The following RPS8 variants were observed in gnomAD, a reference collection of about 807,000 sequenced individuals.
The protein encoded by RPS8 is ribosomal protein S8, also known as small ribosomal subunit protein eS8.
For synonymous variants in RPS8, 100 were observed against 100.7 expected (o/e 0.99, Z 0.04); for missense variants, 141 against 269.7 (o/e 0.52, Z 3.34).
intron 1 of RPS8, 191 bp downstream of exon 1, chr1:44,775,791 C>T (rs1242642040): frequency 5.7e-6 from 5 of 876,668 alleles, no homozygotes; most frequent in Non-Finnish European, 9.2e-6. Flanking sequence ...GCTCCGGGTT[C>T]CGGGCCGCGG....
At chr1:44,775,917 A>G (rs766957318) in intron 1 of RPS8, 117 bp from the exon 2 acceptor site, 7 of 992,396 alleles carry the variant, frequency 7.1e-6, no homozygotes, top group Admixed American at 5.1e-5. Flanking sequence ...GCGGTGGGGA[A>G]GCCAACCTTG....
intron 2 of RPS8, 186 bp from the exon 3 acceptor site, chr1:44,776,489 C>T: frequency 1.3e-6 from 1 of 765,508 alleles, no homozygotes; most frequent in South Asian, 1.4e-5. Flanking sequence ...CTCTTGGAGG[C>T]AAGTAGGGTG....
chr1:44,778,158 G>A, intron 5 of RPS8, 29 bp downstream of exon 5: 1 of 1,585,192 alleles, frequency 6.3e-7, no homozygotes, highest in South Asian at 1.1e-5. Flanking sequence ...TGGAGGTGGG[G>A]AGTCGCAGAG....
intron 3 of RPS8, chr1:44,776,994 G>A: frequency 2.1e-6 from 1 of 474,068 alleles, no homozygotes. Flanking sequence ...GTAGTCTGTG[G>A]CTTAGACCAA....
chr1:44,777,834 C>T (rs1573591349), intron 4 of RPS8, 45 bp downstream of exon 4: 1 of 1,597,904 alleles, frequency 6.3e-7, no homozygotes. Context: ...GGCAGCCTGA[C>T]TCCAGCCTTC....
chr1:44,777,747 C>G lies in RPS8; in HGVS notation c.345C>G (p.Ser115=). The part of the protein sequence containing the change: ...DSTPYRQWYE[S]HYALPLGRKK... ...CACCGTACCGACAGTGGTACGAGTCCCACTATGCGCTGCCCCTGGGCCGCA... is the reference window on the plus strand; with the variant it reads ...CACCGTACCGACAGTGGTACGAGTCGCACTATGCGCTGCCCCTGGGCCGCA... Residue 115 remains serine (S), a synonymous_variant, in exon 4 of 6, where the codon TCC becomes TCG. Coordinates refer to ENST00000396651, the MANE Select transcript of RPS8 (RefSeq NM_001012.2). The G allele has an allele frequency of 2.5e-6, 4 of 1,614,146 alleles. No homozygotes were observed. The highest frequency in any genetic ancestry group is 3.4e-6 in the Non-Finnish European group (4 of 1,179,988).
intron 1 of RPS8, 141 bp from the exon 2 acceptor site, chr1:44,775,893 A>G (rs911488817): frequency 6.9e-6 from 6 of 863,800 alleles, no homozygotes; most frequent in African/African-American, 1.6e-5. Context: ...GTAATGCTGC[A>G]TACTCCCGAG....
chr1:44,776,595 C>T (rs1338264046), intron 2 of RPS8, 80 bp from the exon 3 acceptor site: 1 of 1,190,142 alleles, frequency 8.4e-7, no homozygotes, highest in African/African-American at 1.5e-5. Context: ...TGACTGTTGC[C>T]TCCTCCCGGC....
intron 3 of RPS8, chr1:44,777,317 C>T (rs1451256271): frequency 3.2e-6 from 1 of 315,528 alleles, no homozygotes; most frequent in Non-Finnish European, 5.9e-6. Flanking sequence ...GTGATCCACC[C>T]GCCTTGACCT....
At chr1:44,776,899 A>G in intron 3 of RPS8, 125 bp downstream of exon 3, 1 of 628,674 alleles carries the variant, frequency 1.6e-6, no homozygotes, top group South Asian at 2.1e-5. Context: ...AGGCGGGCGG[A>G]TCACCTGAGG....
At position 44,777,687 on chromosome 1, in the gene RPS8, C is replaced by A; in HGVS notation, c.285C>A (p.Thr95=). 6.2e-7 allele frequency: 1 copy of A among 1,613,922 alleles called. No homozygotes were observed. Among genetic ancestry groups the A allele is most frequent in the Non-Finnish European group, 8.5e-7 (1 of 1,179,806 alleles). ...ASNNELVRTK[T]LVKNCIVLID... ...ATAACGAGCTGGTTCGTACCAAGAC[C>A]CTGGTGAAGAATTGCATCGTGCTCA... Residue 95 remains threonine, a synonymous_variant, in exon 4 of 6, where the codon ACC becomes ACA. Transcript: ENST00000396651.
At chr1:44,778,536 C>G (rs1557609794) in intron 5 of RPS8, 40 bp from the exon 6 acceptor site, 1 of 1,529,812 alleles carries the variant, frequency 6.5e-7, no homozygotes, top group Non-Finnish European at 9.1e-7. Context: ...TGGGTAGGGC[C>G]ACCTTGTCGT....
Position 44,776,791 on chromosome 1 carries a change from G to T in RPS8, c.211+17G>T, listed in dbSNP as rs779137077. 3 of 1,558,488 alleles carry T rather than the reference G, an allele frequency of 1.9e-6. No individual in the cohort carries two copies. The highest frequency in any genetic ancestry group is 2.6e-6 in the Non-Finnish European group (3 of 1,144,186). On this transcript the variant is annotated intron_variant, in intron 3 of 5. Transcript: ENST00000396651. ...GCTCAGAGTGTGAGTGAGGCCCTTT[G>T]GGAGTGGGTGGGAAAACGCACCTAA...
At chr1:44,777,922 TG>T (rs570325038) in intron 4 of RPS8, 77 bp from the exon 5 acceptor site, 2 of 1,582,300 alleles carry the variant, frequency 1.3e-6, no homozygotes, top group Non-Finnish European at 1.7e-6. Flanking sequence ...AGGCCAGCAC[TG>T]GGGTGTGCAG....
chr1:44,778,484 G>C (rs1185991684), intron 5 of RPS8, 92 bp from the exon 6 acceptor site: 3 of 1,029,238 alleles, frequency 2.9e-6, no homozygotes, highest in Admixed American at 3.4e-5. Flanking sequence ...TTGCCCCCAG[G>C]GTACCTGAAC....
In RPS8 at chr1:44,776,882, G is replaced by A. The variant is rs929280755; in HGVS notation, c.211+108G>A. The A allele has an allele frequency of 1.3e-4, 94 of 744,298 alleles. 1 individual carries two copies. The highest frequency in any genetic ancestry group is 2.6e-4 in the Admixed American group (8 of 31,236). The allele number at this position is 744,298 out of a possible 1,614,324, so 46.1% of individuals were successfully genotyped here. A position where few individuals can be genotyped will look rare whatever the true frequency, so the allele number is the denominator to read the frequency against. On this transcript the variant is annotated intron_variant, in intron 3 of 5. Transcript: ENST00000396651. ...CACGCCTATAAGCCCAGCACGTTGGGAGGCCGAGGCGGGCGGATCACCTGA... is the reference window on the plus strand; with the variant it reads ...CACGCCTATAAGCCCAGCACGTTGGAAGGCCGAGGCGGGCGGATCACCTGA...
Position 44,777,792 on chromosome 1 carries a change from G to A in RPS8, c.387+3G>A. On this transcript the variant is annotated splice_donor_region_variant and intron_variant, in intron 4 of 5. Coordinates refer to ENST00000396651, the MANE Select transcript of RPS8 (RefSeq NM_001012.2). Reference sequence around the variant, plus strand: ...GCCGCAAGAAGGGAGCCAAGCTGGTGCGTGTTACTTCCCTGTAGGGGTTGT... The same window carrying A: ...GCCGCAAGAAGGGAGCCAAGCTGGTACGTGTTACTTCCCTGTAGGGGTTGT... The A allele has an allele frequency of 6.2e-7, 1 of 1,614,112 alleles. No individual in the cohort carries two copies. Among genetic ancestry groups the A allele is most frequent in the Non-Finnish European group, 8.5e-7 (1 of 1,179,972 alleles).
Position 44,778,569 on chromosome 1 carries a change from C to T in RPS8, c.518-7C>T. On this transcript the variant is annotated splice_region_variant and splice_polypyrimidine_tract_variant and intron_variant, in intron 5 of 5. Coordinates refer to ENST00000396651, the MANE Select transcript of RPS8 (RefSeq NM_001012.2). The stretch of plus-strand genomic sequence containing the variant: ...CGTTGTGCTAAGGATCACCTACTCT[C>T]TTGCAGCGTGCATCGCTTCAAGGCC... 6.2e-7 allele frequency: 1 copy of T among 1,611,178 alleles called. No homozygotes were observed. The highest frequency in any genetic ancestry group is 8.5e-7 in the Non-Finnish European group (1 of 1,177,402).
At position 44,778,584 on chromosome 1, in the gene RPS8, G is replaced by A. The variant is rs1443834835; in HGVS notation, c.526G>A (p.Ala176Thr). Reference sequence around the variant, plus strand: ...CACCTACTCTCTTGCAGCGTGCATCGCTTCAAGGCCGGGACAGTGTGGCCG... The same window carrying A: ...CACCTACTCTCTTGCAGCGTGCATCACTTCAAGGCCGGGACAGTGTGGCCG... Reference protein sequence around the residue: ...FQQGKLLACIASRPGQCGRAD... With the variant: ...FQQGKLLACITSRPGQCGRAD... Residue 176 changes from alanine to threonine, a missense_variant, in exon 6 of 6, where the codon GCT becomes ACT. Physicochemically the swap from Ala to Thr is moderately conservative, Grantham distance 58 (BLOSUM62 0). Coordinates refer to ENST00000396651, the MANE Select transcript of RPS8 (RefSeq NM_001012.2). 3 of 1,613,646 alleles carry A rather than the reference G, an allele frequency of 1.9e-6. No homozygotes were observed. Among genetic ancestry groups the A allele is most frequent in the South Asian group, 1.1e-5 (1 of 91,058 alleles).
Sources: gnomAD v4.1 joint callset for allele counts on GRCh38, gnomAD v4.1.1 for gene constraint, MANE v1.5 for transcripts, NCBI Gene and HGNC (gene_info 2026-07-23, HGNC 2026-07-21) for gene names.